The following ALG5 variants were observed in gnomAD, a reference collection of about 807,000 sequenced individuals.
The protein encoded by ALG5 is ALG5 dolichyl-phosphate beta-glucosyltransferase.
In ALG5, 26 loss-of-function variants were observed where a neutral mutation model predicts 51.8. The ratio of observed to expected loss-of-function variants is 0.50; its 90% CI spans 0.37 to 0.70. The LOEUF (loss-of-function observed/expected upper bound fraction) is 0.70. Among genes scored for constraint, ALG5 ranks in the 30% least tolerant of loss-of-function variants. The pLI, the probability that ALG5 is intolerant of heterozygous loss-of-function variation, is 0.00. For synonymous variants in ALG5, 141 were observed against 136.1 expected (o/e 1.04, Z -0.25); for missense variants, 311 against 399.3 (o/e 0.78, Z 1.88).
chr13:36,985,158 A>T (rs964122459), intron 6 of ALG5, among the ~76,000 whole-genome samples: 7 of 151,782 alleles, frequency 4.6e-5, no homozygotes, highest in African/African-American at 1.7e-4. Context: ...TAGGAATGGT[A>T]CTAGGATTTT....
chr13:36,974,724 C>G (rs1425917618), intron 6 of ALG5, among the ~76,000 whole-genome samples: 4 of 151,208 alleles, frequency 2.6e-5, no homozygotes, highest in Non-Finnish European at 5.9e-5. Flanking sequence ...CCCCCCACCA[C>G]CATCCCACCC....
rs1308106461 is a variant in ALG5 at position 36,993,646 on chromosome 13, T to C, written c.312A>G (p.Glu104=). 1 of 1,613,754 alleles carries C rather than the reference T, an allele frequency of 6.2e-7. No individual in the cohort carries two copies. The highest frequency in any genetic ancestry group is 1.1e-5 in the South Asian group (1 of 91,068). The change falls in exon 4 of 10, where the codon GAA becomes GAG. Residue 104 remains glutamate (E), a synonymous_variant. Coordinates refer to ENST00000239891, the MANE Select transcript of ALG5 (RefSeq NM_013338.5). ...RQKRDPAFTY[E]VIVVDDGSKD... is the part of the protein sequence containing the mutation. ...TACTGCCATCATCAACTACTATCAC[T>C]TCATAAGTGAACGCAGGATCTCGTT...
chr13:36,993,544 A>G, intron 4 of ALG5, 60 bp downstream of exon 4: 11 of 1,422,854 alleles, frequency 7.7e-6, no homozygotes, highest in Non-Finnish European at 9.9e-6. Flanking sequence ...GAGATTTCAC[A>G]TGTGCAAAAT....
chr13:36,984,909 C>T (rs1424409623), intron 6 of ALG5, among the ~76,000 whole-genome samples: 1 of 152,096 alleles, frequency 6.6e-6, no homozygotes, highest in East Asian at 1.9e-4. Context: ...AGCTTACAGT[C>T]CTGAAAAATG....
At chr13:36,993,490 G>C in intron 4 of ALG5, 114 bp downstream of exon 4, 2 of 826,448 alleles carry the variant, frequency 2.4e-6, no homozygotes, top group East Asian at 4.9e-5. Context: ...TATAACAATG[G>C]AGAGTGTTAG....
intron 9 of ALG5, among the ~76,000 whole-genome samples, chr13:36,951,989 G>A (rs2058820101): frequency 6.6e-6 from 1 of 152,138 alleles, no homozygotes; most frequent in Non-Finnish European, 1.5e-5. Context: ...GTTTCACCCT[G>A]TTGGCCAGAC....
chr13:36,957,942 C>T (rs1034266953), intron 8 of ALG5, among the ~76,000 whole-genome samples: 1 of 152,068 alleles, frequency 6.6e-6, no homozygotes, highest in African/African-American at 2.4e-5. Flanking sequence ...TTTTATCTAC[C>T]CCAACCGCGT....
At chr13:36,996,380 A>G (rs894548743) in intron 1 of ALG5, among the ~76,000 whole-genome samples, 7 of 152,178 alleles carry the variant, frequency 4.6e-5, no homozygotes, top group African/African-American at 1.7e-4. Flanking sequence ...CATTGTCATC[A>G]GCTCCTGAGG....
chr13:36,997,488 A>AAAAAAAAAAAAAAAAAATAAG, intron 1 of ALG5, among the ~76,000 whole-genome samples: 1 of 135,134 alleles, frequency 7.4e-6, no homozygotes, highest in Non-Finnish European at 1.6e-5. Flanking sequence ...AAAAAAAAAA[A>AAAAAAAAAAAAAAAAAATAAG]GACAAGGAAA....
chr13:36,956,839 T>C (rs2058842030), intron 8 of ALG5, among the ~76,000 whole-genome samples: 1 of 151,872 alleles, frequency 6.6e-6, no homozygotes, highest in Non-Finnish European at 1.5e-5. Flanking sequence ...GCCCAGCAGA[T>C]ATTGAAGCCA....
chr13:36,985,876 C>G, intron 5 of ALG5, 136 bp from the exon 6 acceptor site: 1 of 509,478 alleles, frequency 2.0e-6, no homozygotes, highest in Non-Finnish European at 3.4e-6. Flanking sequence ...CCAGAGTTCA[C>G]TGAAAACAAA....
At position 36,994,975 on chromosome 13, in the gene ALG5, A is replaced by G; in HGVS notation, c.285+14T>C. The G allele has an allele frequency of 6.2e-7, 1 of 1,609,556 alleles. No individual in the cohort carries two copies. Among genetic ancestry groups the G allele is most frequent in the Non-Finnish European group, 8.5e-7 (1 of 1,177,010 alleles). ...TTAATTGGAGATATCATATTAAAAG[A>G]GAAAACATGATACCTGTCTCTTCTC... On this transcript the variant is annotated intron_variant, in intron 3 of 9. Transcript: ENST00000239891.
rs530746722 is a variant in ALG5, at chr13:36,960,715, G to C, written c.773+4860C>G. The stretch of plus-strand genomic sequence containing the variant: ...TTTTTTTTTTTTTAGATGGAGTCTT[G>C]CCTGCAATCTCCACCTCCCGGGTTC... On this transcript the variant is annotated intron_variant, in intron 8 of 9. Transcript: ENST00000239891. Among the ~76,000 whole-genome samples the C allele has an allele frequency of 8.0e-4, 119 of 148,768 alleles. 2 individuals are homozygous for C. In the South Asian group the frequency reaches 0.025, roughly 31 times the overall value.
rs35334943 is a variant in ALG5 at position 36,960,687 on chromosome 13, C to CT, written c.773+4887dup. Among the ~76,000 whole-genome samples the CT allele has an allele frequency of 6.7e-3, 962 of 142,618 alleles. 13 individuals are homozygous for CT. Among genetic ancestry groups the CT allele is most frequent in the African/African-American group, 0.023 (893 of 38,364 alleles). 93.6% of individuals were successfully genotyped at this position (142,618 alleles called of 152,430 possible). ...GCCACCACGCCTAGCTAATAATTTG[C>CT]TTTTTTTTTTTTTTTAGATGGAGTC... is the stretch of plus-strand genomic sequence containing the variant. On this transcript the variant is annotated intron_variant, in intron 8 of 9. Transcript: ENST00000239891.
chr13:36,993,496 GTTAGGCACAGCT>G, intron 4 of ALG5, 96 bp downstream of exon 4: 2 of 890,130 alleles, frequency 2.2e-6, no homozygotes, highest in Non-Finnish European at 3.7e-6. Context: ...AATGGAGAGT[GTTAGGCACAGCT>G]TTAGGGTCCC....
intron 6 of ALG5, among the ~76,000 whole-genome samples, chr13:36,977,798 AAAAAAAAAAAAAAAAAC>A (rs1237182484): frequency 4.1e-5 from 6 of 145,470 alleles, no homozygotes; most frequent in African/African-American, 1.5e-4. Context: ...TCCAAAAAAA[AAAAAAAAAAAAAAAAAC>A]AAAAACGGTG....
intron 8 of ALG5, among the ~76,000 whole-genome samples, chr13:36,963,664 A>C (rs553780045): frequency 5.9e-5 from 9 of 152,362 alleles, no homozygotes; most frequent in Middle Eastern, 3.4e-3. Flanking sequence ...AGACTACTTA[A>C]AATGTTTTAA....
intron 6 of ALG5, among the ~76,000 whole-genome samples, chr13:36,979,130 C>T (rs2058967376): frequency 6.6e-6 from 1 of 151,956 alleles, no homozygotes; most frequent in Admixed American, 6.6e-5. Context: ...TATTCTCCTG[C>T]TTCGGCCTCC....
At chr13:36,950,561 C>T (rs2058813591) in intron 9 of ALG5, among the ~76,000 whole-genome samples, 1 of 148,892 alleles carries the variant, frequency 6.7e-6, no homozygotes, top group Non-Finnish European at 1.5e-5. Context: ...AATATCTGAT[C>T]CACATATCAC....
Sources: allele counts gnomAD v4.1 joint callset (sites outside exome capture counted in the v4.1 genomes callset), GRCh38; gene constraint gnomAD v4.1.1; transcripts MANE v1.5; gene names NCBI Gene and HGNC (gene_info 2026-07-23, HGNC 2026-07-21).